MPP7: variants seen among roughly 807,000 people sequenced by gnomAD.
MPP7 encodes MAGUK p55 subfamily member 7.
Under a neutral mutation model 76.5 loss-of-function variants are expected in MPP7, and 60 were observed. The observed-to-expected ratio is 0.78, with a 90% confidence interval of 0.64 to 0.97. MPP7 has a LOEUF of 0.97. Among genes scored for constraint, MPP7 ranks in the 50% least tolerant of loss-of-function variants. The probability of loss-of-function intolerance (pLI) is 0.00; values close to 1 mark genes in which losing one functional copy is unlikely to be tolerated. For synonymous variants in MPP7, 237 were observed against 244.5 expected (o/e 0.97, Z 0.29); for missense variants, 641 against 694.0 (o/e 0.92, Z 0.86).
intron 5 of MPP7, among the ~76,000 whole-genome samples, chr10:28,135,451 T>G (rs1262366550): frequency 6.8e-6 from 1 of 147,326 alleles, no homozygotes. Flanking sequence ...TTTGATTGTC[T>G]TAATTTAAAG....
chr10:28,118,723 A>G (rs1387789681), intron 11 of MPP7: 6 of 985,262 alleles, frequency 6.1e-6, no homozygotes, highest in African/African-American at 1.7e-5. Context: ...CTCCACTTTA[A>G]GCATTTGCCT....
intron 3 of MPP7, among the ~76,000 whole-genome samples, chr10:28,197,358 T>A (rs1326602851): frequency 6.6e-6 from 1 of 151,994 alleles, no homozygotes; most frequent in Non-Finnish European, 1.5e-5. Flanking sequence ...AATTTTTGTA[T>A]TTTTAGTAGA....
chr10:28,308,823 G>A (rs1385099254), intron 2 of MPP7, among the ~76,000 whole-genome samples: 2 of 151,392 alleles, frequency 1.3e-5, no homozygotes, highest in Non-Finnish European at 2.9e-5. Flanking sequence ...CACATCTATT[G>A]TCTCTTCCTG....
chr10:28,203,464 C>T (rs1588919810), intron 2 of MPP7, among the ~76,000 whole-genome samples: 2 of 145,016 alleles, frequency 1.4e-5, no homozygotes, highest in South Asian at 4.3e-4. Flanking sequence ...TTTCTGGGGC[C>T]TTATTTGGCC....
At position 28,054,014 on chromosome 10, in the gene MPP7, G is replaced by T; in HGVS notation, c.*51C>A. On this transcript the variant is annotated 3_prime_UTR_variant, in exon 17 of 17. Coordinates refer to ENST00000683449, the MANE Select transcript of MPP7 (RefSeq NM_001318170.2). ...AAACCCTACTACCAAAACTGTAATT[G>T]ATTTCATCATGCACTCTATAGAAAA... 4 of 1,371,226 alleles carry T rather than the reference G, an allele frequency of 2.9e-6. No individual in the cohort carries two copies. In the South Asian group the frequency reaches 3.7e-5, roughly 13 times the overall value. The allele number at this position is 1,371,226 out of a possible 1,614,324, so 84.9% of individuals were successfully genotyped here.
intron 1 of MPP7, among the ~76,000 whole-genome samples, chr10:28,285,760 T>G (rs1418485653): frequency 1.3e-5 from 2 of 151,982 alleles, no homozygotes; most frequent in Non-Finnish European, 2.9e-5. Context: ...AATCAAGATC[T>G]GATTACTATT....
At chr10:28,172,168 C>A (rs1347654256) in intron 3 of MPP7, among the ~76,000 whole-genome samples, 1 of 152,142 alleles carries the variant, frequency 6.6e-6, no homozygotes, top group Non-Finnish European at 1.5e-5. Context: ...TGCAAGATAC[C>A]AAATCTAATT....
chr10:28,141,588 A>G (rs1191955315), intron 5 of MPP7, among the ~76,000 whole-genome samples: 2 of 152,176 alleles, frequency 1.3e-5, no homozygotes, highest in East Asian at 3.9e-4. Context: ...AAATTAATTT[A>G]TACATATGTG....
At chr10:28,293,676 G>A (rs1055224276) in intron 1 of MPP7, among the ~76,000 whole-genome samples, 2 of 152,156 alleles carry the variant, frequency 1.3e-5, no homozygotes, top group East Asian at 1.9e-4. Context: ...GGGAGGGAGC[G>A]GAGCGGGGCA....
chr10:28,253,644 A>T (rs903028685), intron 1 of MPP7, among the ~76,000 whole-genome samples: 12 of 152,286 alleles, frequency 7.9e-5, no homozygotes, highest in African/African-American at 2.9e-4. Context: ...TTACACAAGG[A>T]CAACCAAGTA....
At chr10:28,188,492 CT>C (rs1405542446) in intron 3 of MPP7, among the ~76,000 whole-genome samples, 7 of 152,084 alleles carry the variant, frequency 4.6e-5, no homozygotes, top group Non-Finnish European at 8.8e-5. Flanking sequence ...AGACAAAGGA[CT>C]TTTCCATTTG....
chr10:28,127,006 T>C (rs901816681), intron 6 of MPP7, among the ~76,000 whole-genome samples: 3 of 152,284 alleles, frequency 2.0e-5, no homozygotes, highest in East Asian at 3.9e-4. Flanking sequence ...CATCTGACTG[T>C]ATGTATGAGG....
intron 2 of MPP7, among the ~76,000 whole-genome samples, chr10:28,317,086 C>CTGAT (rs1834331822): frequency 6.6e-6 from 1 of 152,142 alleles, no homozygotes; most frequent in African/African-American, 2.4e-5. Flanking sequence ...AAAGGCTTCA[C>CTGAT]TGATGAAGTC....
intron 3 of MPP7, among the ~76,000 whole-genome samples, chr10:28,192,571 T>C (rs747588040): frequency 4.6e-5 from 7 of 152,162 alleles, no homozygotes; most frequent in Non-Finnish European, 7.4e-5. Context: ...CAAAATATAG[T>C]GTGCAGAGAA....
chr10:28,182,908 T>C (rs1013271197), intron 3 of MPP7, among the ~76,000 whole-genome samples: 3 of 152,138 alleles, frequency 2.0e-5, no homozygotes, highest in Admixed American at 1.3e-4. Context: ...AGAAACCCCA[T>C]CTCTACTAAA....
chr10:28,132,247 C>T (rs945927418), intron 5 of MPP7, among the ~76,000 whole-genome samples: 10 of 152,018 alleles, frequency 6.6e-5, no homozygotes, highest in African/African-American at 2.4e-4. Flanking sequence ...TGTAATTCTA[C>T]ACCAAAGATG....
chr10:28,114,778 C>T (rs1025130564), intron 11 of MPP7, among the ~76,000 whole-genome samples: 10 of 152,116 alleles, frequency 6.6e-5, no homozygotes, highest in African/African-American at 2.2e-4. Flanking sequence ...CATTGAGTCC[C>T]CAGGACAAAA....
At chr10:28,237,969 G>A (rs1839133096) in intron 2 of MPP7, among the ~76,000 whole-genome samples, 1 of 151,774 alleles carries the variant, frequency 6.6e-6, no homozygotes, top group African/African-American at 2.4e-5. Flanking sequence ...ACACATGTGT[G>A]TGTGTTAGTT....
chr10:28,240,905 A>G (rs901672246), intron 1 of MPP7, among the ~76,000 whole-genome samples: 1 of 152,132 alleles, frequency 6.6e-6, no homozygotes, highest in African/African-American at 2.4e-5. Context: ...CATTTGTACC[A>G]TTAGGCCAAT....
Sources: allele counts gnomAD v4.1 joint callset (sites outside exome capture counted in the v4.1 genomes callset), GRCh38; gene constraint gnomAD v4.1.1; transcripts MANE v1.5; gene names NCBI Gene and HGNC (gene_info 2026-07-23, HGNC 2026-07-21).